The following ZNF430 variants were observed in gnomAD, a reference collection of about 807,000 sequenced individuals.
ZNF430 encodes zinc finger protein 430.
In ZNF430, 35 loss-of-function variants were observed where a neutral mutation model predicts 56.7. The observed-to-expected ratio is 0.62, with a 90% CI of 0.47 to 0.82. The LOEUF is 0.82. ZNF430 is among the 40% of genes least tolerant of loss of function. The pLI is 0.00. For missense variants in ZNF430, 574 were observed against 661.0 expected, an observed-to-expected ratio of 0.87 and a Z score of 1.44; for synonymous variants, 212 against 224.3, an observed-to-expected ratio of 0.94 and a Z score of 0.49.
chr19:21,055,347 T>A (rs1461156580), intron 4 of ZNF430, among the ~76,000 whole-genome samples: 1 of 152,082 alleles, frequency 6.6e-6, no homozygotes, highest in African/African-American at 2.4e-5. Context: ...ATACTGGGAG[T>A]CTCTCAAACA....
intron 2 of ZNF430, among the ~76,000 whole-genome samples, chr19:21,024,498 G>T (rs1186358529): frequency 6.6e-6 from 1 of 152,100 alleles, no homozygotes; most frequent in African/African-American, 2.4e-5. Context: ...AGTTGGAGAC[G>T]GCCGGATGCT....
intron 2 of ZNF430, among the ~76,000 whole-genome samples, chr19:21,025,013 G>T (rs1310024044): frequency 6.6e-6 from 1 of 152,108 alleles, no homozygotes; most frequent in African/African-American, 2.4e-5. Context: ...AAGAAAATGT[G>T]CAGAGTTCTT....
Position 21,034,139 on chromosome 19 carries a change from G to C in ZNF430, c.277G>C (p.Glu93Gln). 3 of 1,613,560 alleles carry C rather than the reference G, an allele frequency of 1.9e-6. No individual in the cohort carries two copies. In the African/African-American group the frequency reaches 4.0e-5, roughly 22 times the overall value. ...DLITCLEQGK[E>Q]PWNMKRHAMV... ...GATCACCTGTCTAGAGCAAGGAAAA[G>C]AGCCCTGGAATATGAAGAGACATGC... The change falls in exon 4 of 5, where the codon GAG (glutamate) becomes CAG (glutamine). Residue 93 changes from glutamate (E) to glutamine (Q), a missense_variant. By Grantham distance (29) the Glu-to-Gln change is conservative (BLOSUM62 2). This residue lies in a region of ZNF430 where 346 missense variants were observed against 399.1 expected (regional missense o/e 0.87). Transcript: ENST00000261560.
rs913313493 is a variant in ZNF430, at chr19:21,041,294, ATTGTTT to A, written c.322+7127_322+7132del. Among the ~76,000 whole-genome samples, 24 of 151,746 alleles carry A rather than the reference ATTGTTT, an allele frequency of 1.6e-4. 1 individual carries two copies. The highest frequency in any genetic ancestry group is 5.6e-4 in the African/African-American group (23 of 41,396). ...TGTGTCGTCACGCCCAGCTCATTTT[ATTGTTT>A]TTGTTTTTGTTTTTGTAGGGACAGA... On this transcript the variant is annotated intron_variant, in intron 4 of 4. Transcript: ENST00000261560.
chr19:21,024,393 C>A (rs1967753296), intron 2 of ZNF430, among the ~76,000 whole-genome samples: 1 of 152,098 alleles, frequency 6.6e-6, no homozygotes, highest in South Asian at 2.1e-4. Flanking sequence ...AGGACTATTG[C>A]AACAGGAGGA....
rs754654641 is a variant in ZNF430, at chr19:21,020,763, C to T, written c.-38C>T. 5.0e-6 allele frequency: 8 copies of T among 1,613,298 alleles called. No homozygotes were observed. Among genetic ancestry groups the T allele is most frequent in the Non-Finnish European group, 5.9e-6 (7 of 1,179,526 alleles). ...CTGTGACCCGCAGGTATTGGGAGAT[C>T]TACAGCTAAGACGCCAGGAACCCCT... On this transcript the variant is annotated 5_prime_UTR_variant, in exon 1 of 5. Coordinates refer to ENST00000261560, the MANE Select transcript of ZNF430 (RefSeq NM_025189.4).
intron 4 of ZNF430, among the ~76,000 whole-genome samples, chr19:21,052,866 T>G (rs1968306996): frequency 6.6e-6 from 1 of 152,094 alleles, no homozygotes; most frequent in Non-Finnish European, 1.5e-5. Flanking sequence ...TTAATGACGG[T>G]CTTGCAAGAT....
intron 4 of ZNF430, 68 bp from the exon 5 acceptor site, chr19:21,056,563 T>C: frequency 8.5e-7 from 1 of 1,178,988 alleles, no homozygotes; most frequent in Non-Finnish European, 1.2e-6. Flanking sequence ...ATTATATGGG[T>C]TAGATTTGTA....
chr19:21,057,909 T>G lies in ZNF430; in HGVS notation c.1601T>G (p.Ile534Ser). 6.2e-7 allele frequency: 1 copy of G among 1,613,672 alleles called. No homozygotes were observed. Residue 534 changes from isoleucine to serine, a missense_variant, in exon 5 of 5, where the codon ATT (isoleucine) becomes AGT (serine). Transcript: ENST00000261560. Reference sequence around the variant, plus strand: ...TCAACTCTTACTAAACATAAGGTAATTCATACTGGAGAGAAACCCTACAAC... The same window carrying G: ...TCAACTCTTACTAAACATAAGGTAAGTCATACTGGAGAGAAACCCTACAAC... Reference protein sequence around the residue: ...QSSTLTKHKVIHTGEKPYNCE... With the variant: ...QSSTLTKHKVSHTGEKPYNCE...
Position 21,031,514 on chromosome 19 carries a change from CAT to C in ZNF430, c.97-1940_97-1939del, listed in dbSNP as rs759432539. 9.3e-4 allele frequency among the ~76,000 whole-genome samples: 141 copies of C among 152,162 alleles called. 1 individual carries two copies. The highest frequency in any genetic ancestry group is 3.2e-3 in the African/African-American group (131 of 41,528). On this transcript the variant is annotated intron_variant, in intron 2 of 4. Coordinates refer to ENST00000261560, the MANE Select transcript of ZNF430 (RefSeq NM_025189.4). ...GCACCTAAGGACAGGAAAAGAGAAA[CAT>C]ACTTTTATATTCATAGAGCAGCTCG...
chr19:21,031,431 G>A (rs1303539332), intron 2 of ZNF430, among the ~76,000 whole-genome samples: 1 of 152,160 alleles, frequency 6.6e-6, no homozygotes, highest in Non-Finnish European at 1.5e-5. Flanking sequence ...GGACAGGGGA[G>A]TGTGGCTCAT....
At position 21,034,022 on chromosome 19, in the gene ZNF430, G is replaced by A. The variant is rs1967949437; in HGVS notation, c.224-64G>A. On this transcript the variant is annotated intron_variant, in intron 3 of 4. Coordinates refer to ENST00000261560, the MANE Select transcript of ZNF430 (RefSeq NM_025189.4). Reference sequence around the variant, plus strand: ...TATTCTACCACATCCTCTTTACTAAGCACAGTACTAGGTTGGTAACTGAAG... The same window carrying A: ...TATTCTACCACATCCTCTTTACTAAACACAGTACTAGGTTGGTAACTGAAG... 60 of 1,243,518 alleles carry A rather than the reference G, an allele frequency of 4.8e-5. 1 individual carries two copies. The South Asian group carries it at 7.8e-4, about 16-fold the overall frequency. The allele number at this position is 1,243,518 out of a possible 1,614,324, so 77.0% of individuals were successfully genotyped here. A position where few individuals can be genotyped will look rare whatever the true frequency, so the allele number is the denominator to read the frequency against.
At position 21,058,275 on chromosome 19, in the gene ZNF430, T is replaced by C. The variant is rs1243382238; in HGVS notation, c.*254T>C. The C allele has an allele frequency of 9.3e-6, 4 of 429,842 alleles. No homozygotes were observed. Among genetic ancestry groups the C allele is most frequent in the Admixed American group, 3.8e-5 (1 of 26,014 alleles). The allele number at this position is 429,842 out of a possible 1,614,324, so 26.6% of individuals were successfully genotyped here. A position where few individuals can be genotyped will look rare whatever the true frequency, so the allele number is the denominator to read the frequency against. On this transcript the variant is annotated 3_prime_UTR_variant, in exon 5 of 5. Transcript: ENST00000261560. ...GCCTGACCAACATGGTGAAATCCTG[T>C]CTCTACTAAAAATACAAAATTAGCC... is the stretch of plus-strand genomic sequence containing the variant.
At chr19:21,049,173 C>CAAAAA (rs746043747) in intron 4 of ZNF430, among the ~76,000 whole-genome samples, 3 of 65,254 alleles carry the variant, frequency 4.6e-5, no homozygotes, top group African/African-American at 1.6e-4. Flanking sequence ...GACTCCATCT[C>CAAAAA]AAAAAAAAAA....
At chr19:21,036,988 A>G (rs1968011204) in intron 4 of ZNF430, among the ~76,000 whole-genome samples, 1 of 152,088 alleles carries the variant, frequency 6.6e-6, no homozygotes, top group Non-Finnish European at 1.5e-5. Context: ...TTCTGTTTTT[A>G]TGAGTGTGAC....
At chr19:21,033,812 T>C in intron 3 of ZNF430, 2 of 540,848 alleles carry the variant, frequency 3.7e-6, no homozygotes, top group Non-Finnish European at 6.0e-6. Context: ...TCTAGATTAG[T>C]GGCAATTCCA....
intron 1 of ZNF430, 144 bp downstream of exon 1, chr19:21,020,947 C>T (rs1245138172): frequency 2.5e-6 from 3 of 1,184,610 alleles, no homozygotes; most frequent in African/African-American, 1.5e-5. Context: ...CCTCAGTCCC[C>T]ATCAGCCTTA....
chr19:21,044,017 T>C (rs975724374), intron 4 of ZNF430, among the ~76,000 whole-genome samples: 2 of 150,594 alleles, frequency 1.3e-5, no homozygotes, highest in East Asian at 3.9e-4. Flanking sequence ...ATTCTAGATA[T>C]GGGATCATGT....
chr19:21,034,011 C>A, intron 3 of ZNF430, 75 bp from the exon 4 acceptor site: 1 of 1,078,530 alleles, frequency 9.3e-7, no homozygotes. Context: ...CTACCACATC[C>A]TCTTTACTAA....
Sources: gnomAD v4.1 joint callset for allele counts (sites outside exome capture counted in the v4.1 genomes callset) on GRCh38, gnomAD v4.1.1 for gene constraint, gnomAD v4.1.1 regional missense constraint, MANE v1.5 for transcripts, NCBI Gene and HGNC (gene_info 2026-07-23, HGNC 2026-07-21) for gene names.